Variants in LRRC32 observed in about 807,000 individuals in gnomAD.
LRRC32 encodes the protein leucine rich repeat containing 32.
In LRRC32, 5 loss-of-function variants were observed where a neutral mutation model predicts 15.0. The ratio of observed to expected loss-of-function variants is 0.33; its 90% CI spans 0.17 to 0.70. The LOEUF (loss-of-function observed/expected upper bound fraction) is 0.70, where lower values mean the gene tolerates loss of function less well. Ranked by LOEUF, LRRC32 falls within the 30% of genes least tolerant of loss-of-function variation. The pLI, the probability that LRRC32 is intolerant of heterozygous loss-of-function variation, is 0.66. For missense variants in LRRC32, 803 were observed against 854.2 expected (o/e 0.94, Z 0.75); for synonymous variants, 391 against 403.9 (o/e 0.97, Z 0.38).
chr11:76,660,096 C>T lies in LRRC32; in HGVS notation c.1497G>A (p.Gln499=). Residue 499 remains glutamine (Q), a synonymous_variant, in exon 3 of 3, where the codon CAG becomes CAA. Coordinates refer to ENST00000260061, the MANE Select transcript of LRRC32 (RefSeq NM_001128922.2). ...LEASLEVLAL[Q]GNGLMVLQVD... is the part of the protein sequence containing the mutation. ...CCTGCAGGACCATCAGCCCGTTGCC[C>T]TGCAGTGCCAGGACCTCCAAGGAGG... is the stretch of plus-strand genomic sequence containing the variant. 7.4e-6 allele frequency: 12 copies of T among 1,614,070 alleles called. No individual in the cohort carries two copies. Among genetic ancestry groups the T allele is most frequent in the South Asian group, 2.2e-5 (2 of 91,084 alleles).
In LRRC32 at chr11:76,660,583, T is replaced by G. The variant is rs1482055778; in HGVS notation, c.1010A>C (p.His337Pro). 1 of 1,614,158 alleles carries G rather than the reference T, an allele frequency of 6.2e-7. No individual in the cohort carries two copies. The highest frequency in any genetic ancestry group is 1.1e-5 in the South Asian group (1 of 91,070). Residue 337 changes from histidine to proline, a missense_variant, in exon 3 of 3, where the codon CAC (histidine) becomes CCC (proline). His to Pro is a moderately conservative substitution (Grantham distance 77). Coordinates refer to ENST00000260061, the MANE Select transcript of LRRC32 (RefSeq NM_001128922.2). The stretch of plus-strand genomic sequence containing the variant: ...GTTCAGGAAGCACAGGGAGGTCAGG[T>G]GCTCAAGAAAGCTGTCGGGGATGAG... ...IELIPDSFLEHLTSLCFLNLS... is the reference protein window; with the variant it reads ...IELIPDSFLEPLTSLCFLNLS...
chr11:76,661,321 C>T lies in LRRC32; in HGVS notation c.272G>A (p.Gly91Glu), dbSNP rs1280897286. 1 of 1,614,066 alleles carries T rather than the reference C, an allele frequency of 6.2e-7. No individual in the cohort carries two copies. Among genetic ancestry groups the T allele is most frequent in the African/African-American group, 1.3e-5 (1 of 74,924 alleles). Residue 91 changes from glycine (G) to glutamate (E), a missense_variant, in exon 3 of 3, where the codon GGA (glycine) becomes GAA (glutamate). Coordinates refer to ENST00000260061, the MANE Select transcript of LRRC32 (RefSeq NM_001128922.2). Reference protein sequence around the residue: ...STNEISFLQPGAFQALTHLEH... With the variant: ...STNEISFLQPEAFQALTHLEH... ...CAGGTGGGTCAGGGCCTGGAAGGCT[C>T]CTGGCTGGAGGAAGCTGATCTCATT... is the stretch of plus-strand genomic sequence containing the variant.
Position 76,665,950 on chromosome 11 carries a change from C to G in LRRC32, c.5G>C (p.Arg2Thr). The stretch of plus-strand genomic sequence containing the variant: ...GGCCAGGAGCAGCAGGATCTGGGGT[C>G]TCATGGCTCTGTGTAAGGCGGAGAG... MRPQILLLLALL... is the reference protein window; with the variant it reads MTPQILLLLALL... Residue 2 changes from arginine to threonine, a missense_variant, in exon 2 of 3, where the codon AGA becomes ACA. By Grantham distance (71) the Arg-to-Thr change is moderately conservative (BLOSUM62 -1). Transcript: ENST00000260061. 1 of 1,613,938 alleles carries G rather than the reference C, an allele frequency of 6.2e-7. No individual in the cohort carries two copies. The highest frequency in any genetic ancestry group is 1.1e-5 in the South Asian group (1 of 91,070).
At chr11:76,667,097 G>C (rs967127642) in intron 1 of LRRC32, among the ~76,000 whole-genome samples, 1 of 152,214 alleles carries the variant, frequency 6.6e-6, no homozygotes, top group Non-Finnish European at 1.5e-5. Flanking sequence ...CCAAGTTTTT[G>C]TTGAGAATCA....
At position 76,661,490 on chromosome 11, in the gene LRRC32, A is replaced by G; in HGVS notation, c.103T>C (p.Cys35Arg). ...PCKMVDKKVS[C>R]QVLGLLQVPS... ...ACCTGGAGCAGGCCCAGAACCTGGC[A>G]CGAGACCTTCTTGTCCACCTGGGGA... is the stretch of plus-strand genomic sequence containing the variant. Residue 35 changes from cysteine to arginine, a missense_variant, in exon 3 of 3, where the codon TGC becomes CGC. By Grantham distance (180) the Cys-to-Arg change is radical. Coordinates refer to ENST00000260061, the MANE Select transcript of LRRC32 (RefSeq NM_001128922.2). The G allele has an allele frequency of 2.5e-6, 4 of 1,605,052 alleles. No homozygotes were observed. Among genetic ancestry groups the G allele is most frequent in the Non-Finnish European group, 3.4e-6 (4 of 1,174,976 alleles).
In LRRC32 at chr11:76,660,807, G is replaced by T. The variant is rs148543436; in HGVS notation, c.786C>A (p.Ala262=). ...TCAGGTAGATGAGTCTCGGGAGCGC[G>T]GCCAGGTCGGGGAAATGGAGCAGTT... is the stretch of plus-strand genomic sequence containing the variant. The part of the protein sequence containing the change: ...ENKLLHFPDL[A]ALPRLIYLNL... The change falls in exon 3 of 3, where the codon GCC becomes GCA. Residue 262 remains alanine (A), a synonymous_variant. Coordinates refer to ENST00000260061, the MANE Select transcript of LRRC32 (RefSeq NM_001128922.2). The T allele has an allele frequency of 3.1e-6, 5 of 1,614,056 alleles. No homozygotes were observed. Among genetic ancestry groups the T allele is most frequent in the Non-Finnish European group, 4.2e-6 (5 of 1,180,036 alleles).
In LRRC32 at chr11:76,659,722, T is replaced by C; in HGVS notation, c.1871A>G (p.Lys624Arg). The change falls in exon 3 of 3, where the codon AAG becomes AGG. Residue 624 changes from lysine to arginine, a missense_variant. Transcript: ENST00000260061. ...GAGGATGATGATGAGGTTGATGTTCTTCAGTCCCCCCTTCTCACAGTCCTC... is the reference window on the plus strand; with the variant it reads ...GAGGATGATGATGAGGTTGATGTTCCTCAGTCCCCCCTTCTCACAGTCCTC... ...RPEDCEKGGL[K>R]NINLIIILTF... 6.2e-7 allele frequency: 1 copy of C among 1,614,190 alleles called. No homozygotes were observed. The highest frequency in any genetic ancestry group is 8.5e-7 in the Non-Finnish European group (1 of 1,180,028).
At chr11:76,667,490 C>A (rs1952644339) in intron 1 of LRRC32, among the ~76,000 whole-genome samples, 1 of 152,208 alleles carries the variant, frequency 6.6e-6, no homozygotes, top group Admixed American at 6.5e-5. Flanking sequence ...ACGAAGATGG[C>A]TGCTCTGAAT....
Position 76,665,901 on chromosome 11 carries a change from T to C in LRRC32, c.54A>G (p.Ala18=). The change falls in exon 2 of 3, where the codon GCA becomes GCG. Residue 18 remains alanine (A), a synonymous_variant. Transcript: ENST00000260061. ...TACAGGGCACTTTGTCTTGGTGTTGTGCAGCCAGGCCTAGGGTCAGCAGGG... is the reference window on the plus strand; with the variant it reads ...TACAGGGCACTTTGTCTTGGTGTTGCGCAGCCAGGCCTAGGGTCAGCAGGG... ...LLALLTLGLA[A]QHQDKVPCKM... is the part of the protein sequence containing the mutation. 5 of 1,614,090 alleles carry C rather than the reference T, an allele frequency of 3.1e-6. No individual in the cohort carries two copies. Among genetic ancestry groups the C allele is most frequent in the Non-Finnish European group, 4.2e-6 (5 of 1,179,972 alleles).
In LRRC32 at chr11:76,664,824, G is replaced by A. The variant is rs191398255; in HGVS notation, c.84+1047C>T. ...GCGTTTGTATTTGGTGACATCTGAG[G>A]CCTTCTCTGCCCGCAATTCTGGGCT... On this transcript the variant is annotated intron_variant, in intron 2 of 2. Coordinates refer to ENST00000260061, the MANE Select transcript of LRRC32 (RefSeq NM_001128922.2). 2.2e-3 allele frequency among the ~76,000 whole-genome samples: 334 copies of A among 152,258 alleles called. 2 individuals are homozygous for A. The highest frequency in any genetic ancestry group is 7.8e-3 in the African/African-American group (322 of 41,538).
intron 2 of LRRC32, among the ~76,000 whole-genome samples, chr11:76,664,212 C>T (rs553907950): frequency 1.6e-4 from 25 of 152,336 alleles, no homozygotes; most frequent in African/African-American, 4.8e-4. Flanking sequence ...GACTGGCTTT[C>T]CATTCAGGGG....
chr11:76,664,975 T>G (rs1046191965), intron 2 of LRRC32, among the ~76,000 whole-genome samples: 4 of 152,218 alleles, frequency 2.6e-5, no homozygotes, highest in African/African-American at 9.6e-5. Flanking sequence ...AGCTGCCGGT[T>G]CTGTGTCATA....
At chr11:76,666,222 C>T (rs968202640) in intron 1 of LRRC32, among the ~76,000 whole-genome samples, 2 of 152,146 alleles carry the variant, frequency 1.3e-5, no homozygotes, top group African/African-American at 4.8e-5. Flanking sequence ...CTTGGTCAGA[C>T]GGGGGTTTTC....
At chr11:76,669,602 C>CCA (rs1236997090) in intron 1 of LRRC32, among the ~76,000 whole-genome samples, 1 of 152,044 alleles carries the variant, frequency 6.6e-6, no homozygotes, top group Non-Finnish European at 1.5e-5. Flanking sequence ...TGACTTACCC[C>CCA]CAGAGTTACC....
In LRRC32 at chr11:76,660,077, G is replaced by C. The variant is rs146127602; in HGVS notation, c.1516C>G (p.Leu506Val). The stretch of plus-strand genomic sequence containing the variant: ...ATGAAGCAGGGCAGGTCCACCTGCA[G>C]GACCATCAGCCCGTTGCCCTGCAGT... Reference protein sequence around the residue: ...LALQGNGLMVLQVDLPCFICL... With the variant: ...LALQGNGLMVVQVDLPCFICL... The change falls in exon 3 of 3, where the codon CTG (leucine) becomes GTG (valine). Residue 506 changes from leucine to valine, a missense_variant. Physicochemically the swap from Leu to Val is conservative, Grantham distance 32. Transcript: ENST00000260061. 7.4e-6 allele frequency: 12 copies of C among 1,614,122 alleles called. No individual in the cohort carries two copies. Among genetic ancestry groups the C allele is most frequent in the Non-Finnish European group, 1.0e-5 (12 of 1,180,030 alleles).
chr11:76,660,881 G>C lies in LRRC32; in HGVS notation c.712C>G (p.Gln238Glu). The C allele has an allele frequency of 6.2e-7, 1 of 1,614,218 alleles. No homozygotes were observed. Among genetic ancestry groups the C allele is most frequent in the Non-Finnish European group, 8.5e-7 (1 of 1,180,032 alleles). Residue 238 changes from glutamine (Q) to glutamate (E), a missense_variant, in exon 3 of 3, where the codon CAG becomes GAG. Coordinates refer to ENST00000260061, the MANE Select transcript of LRRC32 (RefSeq NM_001128922.2). ...NSIEAFQTAS[Q>E]PQAEFQLTWL... ...GTGAGCTGGAACTCAGCCTGGGGCT[G>C]GGAGGCCGTCTGAAAGGCCTCGATG...
intron 1 of LRRC32, among the ~76,000 whole-genome samples, 176 bp from the exon 2 acceptor site, chr11:76,666,134 C>T (rs1470425475): frequency 6.6e-6 from 1 of 152,210 alleles, no homozygotes; most frequent in Admixed American, 6.5e-5. Context: ...GGCCTGCAGC[C>T]CATCATAGTA....
intron 2 of LRRC32, chr11:76,662,545 G>A (rs1189687420): frequency 1.3e-5 from 2 of 152,150 alleles, no homozygotes; most frequent in Non-Finnish European, 1.5e-5. Context: ...ACAACAAAAG[G>A]CCGAACTCTT....
At position 76,661,447 on chromosome 11, in the gene LRRC32, G is replaced by A. The variant is rs1398576158; in HGVS notation, c.146C>T (p.Pro49Leu). The A allele has an allele frequency of 1.9e-6, 3 of 1,613,770 alleles. No homozygotes were observed. The highest frequency in any genetic ancestry group is 1.7e-6 in the Non-Finnish European group (2 of 1,179,912). The stretch of plus-strand genomic sequence containing the variant: ...AGATAGATCAAGGGTCTCAGTGTCT[G>A]GCGGGAGCACCGAGGGGACCTGGAG... ...GLLQVPSVLP[P>L]DTETLDLSGN... The change falls in exon 3 of 3, where the codon CCA (proline) becomes CTA (leucine). Residue 49 changes from proline to leucine, a missense_variant. Pro to Leu is a moderately conservative substitution (Grantham distance 98, BLOSUM62 -3). Transcript: ENST00000260061.
Sources: allele counts gnomAD v4.1 joint callset (sites outside exome capture counted in the v4.1 genomes callset), GRCh38; gene constraint gnomAD v4.1.1; transcripts MANE v1.5; gene names NCBI Gene and HGNC (gene_info 2026-07-23, HGNC 2026-07-21).